Variants in MARCHF4 observed in about 807,000 individuals in gnomAD.
MARCHF4 encodes membrane associated ring-CH-type finger 4, also known as E3 ubiquitin-protein ligase MARCHF4.
Under a neutral mutation model 43.9 loss-of-function variants are expected in MARCHF4, and 14 were observed. The ratio of observed to expected loss-of-function variants is 0.32; its 90% CI spans 0.21 to 0.50. The LOEUF (loss-of-function observed/expected upper bound fraction) is 0.50, where lower values mean the gene tolerates loss of function less well. Among genes scored for constraint, MARCHF4 ranks in the 20% least tolerant of loss-of-function variants. MARCHF4 has a pLI of 0.98. For missense variants in MARCHF4, 468 were observed against 536.7 expected (o/e 0.87, Z 1.27); for synonymous variants, 226 against 213.3 (o/e 1.06, Z -0.52).
intron 1 of MARCHF4, among the ~76,000 whole-genome samples, chr2:216,308,962 G>T (rs1438276347): frequency 6.6e-6 from 1 of 152,128 alleles, no homozygotes; most frequent in Non-Finnish European, 1.5e-5. Flanking sequence ...CTTGTGAACG[G>T]CAGAAGCAAA....
rs1255476529 is a variant in MARCHF4 at position 216,329,367 on chromosome 2, C to T, written c.516+40378G>A. On this transcript the variant is annotated intron_variant, in intron 1 of 3. Transcript: ENST00000273067. ...CTGGACTCCAGCCTGGGTGACAGAG[C>T]GAGACTCAGTCTCAAAAAACAAACA... Among the ~76,000 whole-genome samples, 6 of 151,906 alleles carry T rather than the reference C, an allele frequency of 3.9e-5. No individual in the cohort carries two copies. In the South Asian group the frequency reaches 6.2e-4, roughly 16 times the overall value.
rs1394850695 is a variant in MARCHF4 at position 216,297,044 on chromosome 2, A to C, written c.517-13315T>G. Among the ~76,000 whole-genome samples the C allele has an allele frequency of 2.0e-5, 3 of 152,282 alleles. No homozygotes were observed. The East Asian group carries it at 5.8e-4, about 29-fold the overall frequency. On this transcript the variant is annotated intron_variant, in intron 1 of 3. Transcript: ENST00000273067. Reference sequence around the variant, plus strand: ...CTCAAGGAAACGTACTATTCCTGAAATCTTGGCTCCAGTTCCCTGTCAGGA... The same window carrying C: ...CTCAAGGAAACGTACTATTCCTGAACTCTTGGCTCCAGTTCCCTGTCAGGA...
At chr2:216,335,930 T>C (rs1277015591) in intron 1 of MARCHF4, among the ~76,000 whole-genome samples, 1 of 151,842 alleles carries the variant, frequency 6.6e-6, no homozygotes, top group Non-Finnish European at 1.5e-5. Context: ...TAGCTGGGCA[T>C]GGTGGCACAA....
chr2:216,304,902 C>T (rs1352500529), intron 1 of MARCHF4, among the ~76,000 whole-genome samples: 1 of 151,874 alleles, frequency 6.6e-6, no homozygotes, highest in South Asian at 2.1e-4. Flanking sequence ...TGCAGTGAGC[C>T]GAGATCACGC....
At chr2:216,338,767 C>T (rs1692194817) in intron 1 of MARCHF4, among the ~76,000 whole-genome samples, 1 of 152,130 alleles carries the variant, frequency 6.6e-6, no homozygotes, top group South Asian at 2.1e-4. Flanking sequence ...AACTAGGATA[C>T]TCATGGCTCT....
intron 2 of MARCHF4, among the ~76,000 whole-genome samples, chr2:216,280,689 G>A (rs538600375): frequency 1.1e-4 from 16 of 152,204 alleles, no homozygotes; most frequent in South Asian, 4.1e-4. Flanking sequence ...CCACATCTAC[G>A]CCACCACTCG....
At chr2:216,307,044 T>C (rs1346320426) in intron 1 of MARCHF4, among the ~76,000 whole-genome samples, 1 of 152,054 alleles carries the variant, frequency 6.6e-6, no homozygotes, top group African/African-American at 2.4e-5. Context: ...AGACTGCCAC[T>C]GTGCTCCAGG....
chr2:216,291,077 C>T (rs2105944835), intron 1 of MARCHF4, among the ~76,000 whole-genome samples: 1 of 152,184 alleles, frequency 6.6e-6, no homozygotes, highest in Middle Eastern at 3.4e-3. Context: ...ACAACCAAAG[C>T]AGTGAGTATA....
intron 1 of MARCHF4, among the ~76,000 whole-genome samples, chr2:216,343,164 T>C (rs1012499546): frequency 6.6e-6 from 1 of 152,194 alleles, no homozygotes; most frequent in Non-Finnish European, 1.5e-5. Context: ...TAGAGAGCCA[T>C]GGAAGATTTG....
intron 1 of MARCHF4, among the ~76,000 whole-genome samples, chr2:216,284,658 G>C (rs1691191355): frequency 6.6e-6 from 1 of 152,092 alleles, no homozygotes; most frequent in African/African-American, 2.4e-5. Flanking sequence ...GTGAGATGGG[G>C]TCTCTTCATG....
At chr2:216,285,390 G>A (rs1476372895) in intron 1 of MARCHF4, among the ~76,000 whole-genome samples, 1 of 152,150 alleles carries the variant, frequency 6.6e-6, no homozygotes, top group Non-Finnish European at 1.5e-5. Flanking sequence ...GGCCCTCTTT[G>A]CTGTGGCTCC....
At position 216,267,398 on chromosome 2, in the gene MARCHF4, C is replaced by T. The variant is rs550084903; in HGVS notation, c.866-7719G>A. ...ACTTGTGCAAGGCTGGGGCAGAAGA[C>T]GACTTCTTCATGCTCTGTTTAATTT... On this transcript the variant is annotated intron_variant, in intron 3 of 3. Transcript: ENST00000273067. 7.2e-5 allele frequency among the ~76,000 whole-genome samples: 11 copies of T among 152,244 alleles called. 1 individual carries two copies. Among genetic ancestry groups the T allele is most frequent in the South Asian group, 4.1e-4 (2 of 4,824 alleles).
chr2:216,337,802 T>C (rs1415971998), intron 1 of MARCHF4, among the ~76,000 whole-genome samples: 1 of 152,222 alleles, frequency 6.6e-6, no homozygotes, highest in East Asian at 1.9e-4. Context: ...GCTTGGAGAC[T>C]GTTTTTTAAC....
intron 2 of MARCHF4, among the ~76,000 whole-genome samples, chr2:216,280,419 G>C (rs888628989): frequency 6.6e-6 from 1 of 152,158 alleles, no homozygotes; most frequent in Non-Finnish European, 1.5e-5. Flanking sequence ...TCCTGATTGG[G>C]TTCCGCTCCT....
At chr2:216,360,249 C>T (rs138375608) in intron 1 of MARCHF4, among the ~76,000 whole-genome samples, 2 of 152,010 alleles carry the variant, frequency 1.3e-5, no homozygotes, top group Non-Finnish European at 2.9e-5. Context: ...TATTCATGTA[C>T]CATTTATACT....
intron 1 of MARCHF4, among the ~76,000 whole-genome samples, chr2:216,294,037 CT>C (rs1179831204): frequency 6.6e-6 from 1 of 152,242 alleles, no homozygotes; most frequent in Non-Finnish European, 1.5e-5. Context: ...AGTTCTCCCC[CT>C]GGCTAAATAG....
In MARCHF4 at chr2:216,369,680, G is replaced by A; in HGVS notation, c.516+65C>T. The A allele has an allele frequency of 5.3e-6, 7 of 1,332,588 alleles. No individual in the cohort carries two copies. The South Asian group carries it at 8.4e-5, about 16-fold the overall frequency. The allele number at this position is 1,332,588 out of a possible 1,614,324, so 82.5% of individuals were successfully genotyped here. A position where few individuals can be genotyped will look rare whatever the true frequency, so the allele number is the denominator to read the frequency against. ...TATAACCGTTCCCCAGGGCAAGCAG[G>A]CGAGTAGCAATCTGCAAGACCTGAA... On this transcript the variant is annotated intron_variant, in intron 1 of 3. Coordinates refer to ENST00000273067, the MANE Select transcript of MARCHF4 (RefSeq NM_020814.3).
At chr2:216,271,474 T>C (rs1690937026) in intron 3 of MARCHF4, among the ~76,000 whole-genome samples, 1 of 152,238 alleles carries the variant, frequency 6.6e-6, no homozygotes, top group African/African-American at 2.4e-5. Context: ...CAGCCCATCC[T>C]GGATTGTGAC....
chr2:216,271,141 T>G lies in MARCHF4; in HGVS notation c.865+6531A>C, dbSNP rs182768130. ...GGTCAAATCTGAGTGGCTTAGCATA[T>G]GACCCATGACTCTGTGGGATTTGGC... On this transcript the variant is annotated intron_variant, in intron 3 of 3. Coordinates refer to ENST00000273067, the MANE Select transcript of MARCHF4 (RefSeq NM_020814.3). 2.1e-3 allele frequency among the ~76,000 whole-genome samples: 321 copies of G among 152,326 alleles called. 3 individuals are homozygous for G. The highest frequency in any genetic ancestry group is 7.6e-3 in the African/African-American group (315 of 41,568).
Sources: allele counts gnomAD v4.1 joint callset (sites outside exome capture counted in the v4.1 genomes callset), GRCh38; gene constraint gnomAD v4.1.1; transcripts MANE v1.5; gene names NCBI Gene and HGNC (gene_info 2026-07-23, HGNC 2026-07-21).